MTMR8: variants seen among roughly 807,000 people sequenced by gnomAD.
MTMR8 encodes the protein myotubularin related protein 8, also known as phosphatidylinositol-3,5-bisphosphate 3-phosphatase MTMR8.
Under a neutral mutation model 39.3 loss-of-function variants are expected in MTMR8, and 65 were observed. The ratio of observed to expected loss-of-function variants is 1.65; its 90% CI spans 1.35 to 2.03. MTMR8 has a LOEUF of 2.03. MTMR8 is among the 30% of genes most tolerant of loss of function. The pLI is 0.00. For missense variants in MTMR8, 777 were observed against 538.9 expected (o/e 1.44, Z -4.37); for synonymous variants, 245 against 185.2 (o/e 1.32, Z -2.62).
At chrX:64,322,043 T>C (rs925253129) in intron 12 of MTMR8, among the ~76,000 whole-genome samples, 1 of 110,143 alleles carries the variant, frequency 9.1e-6, no homozygotes, top group Non-Finnish European at 1.9e-5. Context: ...TTTGTTAGTA[T>C]TTTTGTTTTT....
At chrX:64,315,944 CTG>C (rs1478953163) in intron 12 of MTMR8, among the ~76,000 whole-genome samples, 2 of 111,236 alleles carry the variant, frequency 1.8e-5, no homozygotes, top group African/African-American at 6.5e-5. Context: ...CATACTCTCT[CTG>C]TGTGTCCGTG....
At chrX:64,377,675 T>G (rs923664158) in intron 1 of MTMR8, among the ~76,000 whole-genome samples, 1 of 112,278 alleles carries the variant, frequency 8.9e-6, no homozygotes, top group Admixed American at 9.4e-5. Flanking sequence ...TTGTCTCAGA[T>G]GAGACTTTGG....
chrX:64,370,609 TG>T (rs1258990404), intron 1 of MTMR8, among the ~76,000 whole-genome samples: 1 of 111,952 alleles, frequency 8.9e-6, no homozygotes, highest in Non-Finnish European at 1.9e-5. Context: ...ACTGAGGCCT[TG>T]ATACTTTCTC....
chrX:64,326,746 T>C (rs1380852206), intron 12 of MTMR8, among the ~76,000 whole-genome samples: 1 of 109,150 alleles, frequency 9.2e-6, no homozygotes, highest in Non-Finnish European at 1.9e-5. Flanking sequence ...GGCAAACTTG[T>C]GGGGAAAAAA....
intron 1 of MTMR8, among the ~76,000 whole-genome samples, chrX:64,364,715 G>A (rs1259324220): frequency 9.0e-6 from 1 of 111,691 alleles, no homozygotes; most frequent in Non-Finnish European, 1.9e-5. Context: ...TCCTCCAAAG[G>A]ACTGCAGCTC....
intron 1 of MTMR8, among the ~76,000 whole-genome samples, chrX:64,366,622 T>C (rs1447481277): frequency 8.9e-6 from 1 of 111,907 alleles, no homozygotes; most frequent in Non-Finnish European, 1.9e-5. Flanking sequence ...TAGAGGGAAA[T>C]GTACAGCACT....
intron 1 of MTMR8, among the ~76,000 whole-genome samples, chrX:64,360,191 G>A (rs1376663448): frequency 2.7e-5 from 3 of 110,001 alleles, no homozygotes; most frequent in Non-Finnish European, 5.7e-5. Flanking sequence ...AGCTGAGGTA[G>A]CAGTCTCAAT....
chrX:64,321,653 G>A (rs961690999), intron 12 of MTMR8, among the ~76,000 whole-genome samples: 5 of 111,277 alleles, frequency 4.5e-5, no homozygotes, highest in Non-Finnish European at 7.6e-5. Context: ...AGAAAGGAGC[G>A]GAAAGAATAT....
At chrX:64,283,095 T>C (rs1329515258) in intron 12 of MTMR8, among the ~76,000 whole-genome samples, 1 of 111,870 alleles carries the variant, frequency 8.9e-6, no homozygotes, top group Non-Finnish European at 1.9e-5. Flanking sequence ...CTGTGACAGA[T>C]GGCACCTGGA....
Position 64,365,401 on chromosome X carries a change from C to A in MTMR8, c.25-5874G>T, listed in dbSNP as rs183138841. 1.1e-4 allele frequency among the ~76,000 whole-genome samples: 12 copies of A among 111,589 alleles called. No individual in the cohort carries two copies. In the East Asian group the frequency reaches 3.4e-3, roughly 32 times the overall value. ...CACAAAGGGAAGCCCACCAGACTAA[C>A]AGCGGATCTCTCAGCAGAAATTCTA... On this transcript the variant is annotated intron_variant, in intron 1 of 13. Transcript: ENST00000374852.
intron 12 of MTMR8, among the ~76,000 whole-genome samples, chrX:64,308,118 T>C (rs1293110522): frequency 9.0e-6 from 1 of 110,922 alleles, no homozygotes; most frequent in Non-Finnish European, 1.9e-5. Context: ...AACCTGCACA[T>C]TGTGCACATG....
At chrX:64,336,648 T>C (rs1438635090) in intron 9 of MTMR8, among the ~76,000 whole-genome samples, 1 of 110,077 alleles carries the variant, frequency 9.1e-6, no homozygotes, top group Non-Finnish European at 1.9e-5. Flanking sequence ...AATACAAAAA[T>C]TAGCCAAGCA....
At chrX:64,328,068 A>C (rs765093608) in intron 12 of MTMR8, among the ~76,000 whole-genome samples, 2 of 111,967 alleles carry the variant, frequency 1.8e-5, no homozygotes, top group East Asian at 5.6e-4. Context: ...AAACATGAAA[A>C]AGGAAATTTG....
intron 12 of MTMR8, among the ~76,000 whole-genome samples, chrX:64,288,403 C>G (rs1003426264): frequency 9.0e-6 from 1 of 111,475 alleles, no homozygotes; most frequent in African/African-American, 3.3e-5. Flanking sequence ...AATAGGAACA[C>G]TTTTACTCTG....
chrX:64,389,654 G>A (rs1483521722), intron 1 of MTMR8, among the ~76,000 whole-genome samples: 1 of 111,632 alleles, frequency 9.0e-6, no homozygotes, highest in Non-Finnish European at 1.9e-5. Flanking sequence ...AAATCTCCCT[G>A]AGACAGGCTG....
At position 64,268,910 on chromosome X, in the gene MTMR8, G is replaced by T. The variant is rs752191735; in HGVS notation, c.1742C>A (p.Thr581Asn). ...GFMGINGDLN[T>N]LMENGTLSRE... ...GGATAGGGTGCCATTCTCCATCAGG[G>T]TATTCAGGTCTCCATTGATACCCAT... The change falls in exon 14 of 14, where the codon ACC becomes AAC. Residue 581 changes from threonine (T) to asparagine (N), a missense_variant. Coordinates refer to ENST00000374852, the MANE Select transcript of MTMR8 (RefSeq NM_017677.4). 3 of 1,209,820 alleles carry T rather than the reference G, an allele frequency of 2.5e-6. No homozygotes were observed. The highest frequency in any genetic ancestry group is 3.5e-5 in the African/African-American group (2 of 57,117).
rs764431736 is a variant in MTMR8 at position 64,271,050 on chromosome X, C to T, written c.1505G>A (p.Arg502His). 1 of 1,204,798 alleles carries T rather than the reference C, an allele frequency of 8.3e-7. No individual in the cohort carries two copies. Among genetic ancestry groups the T allele is most frequent in the Non-Finnish European group, 1.1e-6 (1 of 892,745 alleles). The change falls in exon 13 of 14, where the codon CGC becomes CAC. Residue 502 changes from arginine to histidine, a missense_variant. By Grantham distance (29) the Arg-to-His change is conservative (BLOSUM62 0). Coordinates refer to ENST00000374852, the MANE Select transcript of MTMR8 (RefSeq NM_017677.4). ...NIQFWCGMYN[R>H]FDKGLQPKQS... ...CTTGGGCTGCAGCCCTTTGTCAAAG[C>T]GGTTATACATCCCACACCAGAACCT...
intron 1 of MTMR8, among the ~76,000 whole-genome samples, chrX:64,381,584 G>C (rs948795774): frequency 6.4e-5 from 7 of 108,834 alleles, no homozygotes; most frequent in Non-Finnish European, 1.3e-4. Flanking sequence ...AGTTTCTTTT[G>C]CTGTGCAGAA....
At chrX:64,321,105 TACC>T (rs1165455083) in intron 12 of MTMR8, among the ~76,000 whole-genome samples, 2 of 111,552 alleles carry the variant, frequency 1.8e-5, no homozygotes, top group Non-Finnish European at 3.8e-5. Context: ...ATCTGATTTC[TACC>T]ACATTATAAT....
Sources: gnomAD v4.1 joint callset for allele counts (sites outside exome capture counted in the v4.1 genomes callset) on GRCh38, gnomAD v4.1.1 for gene constraint, MANE v1.5 for transcripts, NCBI Gene and HGNC (gene_info 2026-07-23, HGNC 2026-07-21) for gene names.